Variants in ABCG2 observed in about 807,000 individuals in gnomAD.
The protein encoded by ABCG2 is broad substrate specificity ATP-binding cassette transporter ABCG2.
A neutral mutation model predicts 73.5 loss-of-function variants in ABCG2; 80 were observed. The ratio of observed to expected loss-of-function variants is 1.09; its 90% confidence interval spans 0.91 to 1.31. ABCG2 has a LOEUF of 1.31. ABCG2 is among the 50% of genes most tolerant of loss of function. The pLI is 0.00. For missense variants in ABCG2, 796 were observed against 786.2 expected (o/e 1.01, Z -0.15); for synonymous variants, 269 against 282.4 (o/e 0.95, Z 0.48).
chr4:88,198,821 A>T (rs1729037218), intron 1 of ABCG2, among the ~76,000 whole-genome samples: 1 of 152,110 alleles, frequency 6.6e-6, no homozygotes, highest in Admixed American at 6.6e-5. Flanking sequence ...GAGGATGTCC[A>T]GTAGAAACTG....
upstream of ABCG2, chr4:88,164,072 CT>C (rs368544602): frequency 1.6e-3 from 232 of 145,258 alleles, 1 homozygote; most frequent in Middle Eastern, 0.014. Context: ...CAAATCTCAC[CT>C]TTTTTTTTTT....
Position 88,136,130 on chromosome 4 carries a change from G to A in ABCG2, c.204-3495C>T, listed in dbSNP as rs150930656. Among the ~76,000 whole-genome samples, 295 of 152,204 alleles carry A rather than the reference G, an allele frequency of 1.9e-3. 1 individual carries two copies. The highest frequency in any genetic ancestry group is 5.4e-3 in the African/African-American group (223 of 41,528). ...AAGATGGAAACTCCCAGGGTGCTGC[G>A]GGAATGGTCACCACTGCTCCCCCAG... On this transcript the variant is annotated intron_variant, in intron 2 of 15. Coordinates refer to ENST00000237612, the MANE Select transcript of ABCG2 (RefSeq NM_004827.3).
chr4:88,187,573 A>G (rs1335626064), intron 1 of ABCG2, among the ~76,000 whole-genome samples: 1 of 152,168 alleles, frequency 6.6e-6, no homozygotes, highest in Non-Finnish European at 1.5e-5. Context: ...AGATCATGCC[A>G]TTGCACTCCA....
rs552349764 is a variant in ABCG2 at position 88,122,981 on chromosome 4, T to A, written c.532-1189A>T. On this transcript the variant is annotated intron_variant, in intron 5 of 15. Coordinates refer to ENST00000237612, the MANE Select transcript of ABCG2 (RefSeq NM_004827.3). ...TCCAGAGAAAAAAAACAGGCAGCAA[T>A]CTTTGGGGTATCTTTGCTGTTCTAT... 2.0e-5 allele frequency among the ~76,000 whole-genome samples: 3 copies of A among 152,198 alleles called. No homozygotes were observed. In the South Asian group the frequency reaches 6.2e-4, roughly 32 times the overall value.
intron 1 of ABCG2, among the ~76,000 whole-genome samples, chr4:88,215,212 A>G (rs1200062704): frequency 6.6e-6 from 1 of 152,216 alleles, no homozygotes; most frequent in Non-Finnish European, 1.5e-5. Flanking sequence ...ATAATATTCA[A>G]GCCAAATTAA....
At chr4:88,125,607 C>CAAAAAA (rs70957302) in intron 5 of ABCG2, among the ~76,000 whole-genome samples, 1,276 of 35,034 alleles carry the variant, frequency 0.036, 203 homozygotes, top group Middle Eastern at 0.091. Flanking sequence ...GACTCTGTCT[C>CAAAAAA]AAAAAAAAAA....
At chr4:88,172,629 T>A (rs1727802261) in intron 1 of ABCG2, among the ~76,000 whole-genome samples, 1 of 151,648 alleles carries the variant, frequency 6.6e-6, no homozygotes, top group Non-Finnish European at 1.5e-5. Context: ...GTAAATAAAG[T>A]ATAGACTTGT....
chr4:88,131,267 A>T, intron 4 of ABCG2, 54 bp from the exon 5 acceptor site: 10 of 1,558,504 alleles, frequency 6.4e-6, no homozygotes, highest in Non-Finnish European at 8.8e-6. Context: ...CTTTTCTAAG[A>T]CCATGACTGT....
intron 1 of ABCG2, among the ~76,000 whole-genome samples, chr4:88,176,158 T>G (rs1481016): frequency 0.4 from 35,433 of 88,094 alleles, 5,557 homozygotes; most frequent in African/African-American, 0.57. Context: ...ATTATTCTTG[T>G]TTTTTTTTTC....
chr4:88,102,529 G>A (rs1485425222), intron 10 of ABCG2, among the ~76,000 whole-genome samples: 2 of 151,336 alleles, frequency 1.3e-5, no homozygotes, highest in African/African-American at 4.8e-5. Flanking sequence ...CTGGGACGTG[G>A]AGGTTGCAGT....
At chr4:88,193,892 C>G (rs1292003385) in intron 1 of ABCG2, among the ~76,000 whole-genome samples, 2 of 152,094 alleles carry the variant, frequency 1.3e-5, no homozygotes, top group East Asian at 3.9e-4. Context: ...CTACAGGCAT[C>G]TGCCACCACA....
At chr4:88,142,673 G>A (rs775119571) in intron 1 of ABCG2, among the ~76,000 whole-genome samples, 4 of 152,270 alleles carry the variant, frequency 2.6e-5, no homozygotes, top group South Asian at 2.1e-4. Context: ...TAGGACAGGC[G>A]TGGTGGTTCA....
At chr4:88,154,057 T>C (rs1726748810) in intron 1 of ABCG2, among the ~76,000 whole-genome samples, 1 of 152,182 alleles carries the variant, frequency 6.6e-6, no homozygotes, top group African/African-American at 2.4e-5. Context: ...TTCCTTGGTC[T>C]AAGAACCATT....
intron 5 of ABCG2, among the ~76,000 whole-genome samples, chr4:88,123,831 C>T (rs922174740): frequency 6.6e-6 from 1 of 152,010 alleles, no homozygotes; most frequent in East Asian, 1.9e-4. Flanking sequence ...CAAAGATACT[C>T]CTCAAGAGCA....
intron 14 of ABCG2, among the ~76,000 whole-genome samples, 183 bp from the exon 15 acceptor site, chr4:88,094,842 T>C (rs1445634339): frequency 1.3e-5 from 2 of 152,226 alleles, no homozygotes; most frequent in Non-Finnish European, 2.9e-5. Context: ...AACCTAGGGT[T>C]GGGATTTTGG....
At chr4:88,120,009 C>T (rs1437184641) in intron 6 of ABCG2, among the ~76,000 whole-genome samples, 1 of 152,154 alleles carries the variant, frequency 6.6e-6, no homozygotes, top group African/African-American at 2.4e-5. Context: ...GCAGCTCCTC[C>T]CATCACAGGC....
intron 1 of ABCG2, among the ~76,000 whole-genome samples, chr4:88,199,039 G>A (rs992284526): frequency 2.0e-5 from 3 of 152,010 alleles, no homozygotes; most frequent in African/African-American, 7.2e-5. Flanking sequence ...CGCAATCTCA[G>A]CTCACTGCAA....
At chr4:88,209,774 T>A (rs758587150) in intron 1 of ABCG2, among the ~76,000 whole-genome samples, 1 of 152,200 alleles carries the variant, frequency 6.6e-6, no homozygotes, top group Non-Finnish European at 1.5e-5. Flanking sequence ...GCAGGGGTTG[T>A]GTTGGTGTTG....
At chr4:88,132,867 G>C (rs556033581) in intron 2 of ABCG2, among the ~76,000 whole-genome samples, 1 of 151,870 alleles carries the variant, frequency 6.6e-6, no homozygotes, top group Non-Finnish European at 1.5e-5. Flanking sequence ...CCAGGAGTTT[G>C]AGACCAGCCT....
Sources: allele counts gnomAD v4.1 joint callset (sites outside exome capture counted in the v4.1 genomes callset), GRCh38; gene constraint gnomAD v4.1.1; transcripts MANE v1.5; gene names NCBI Gene and HGNC (gene_info 2026-07-23, HGNC 2026-07-21).